Variants in GADL1 observed in about 807,000 individuals in gnomAD.
The protein encoded by GADL1 is acidic amino acid decarboxylase GADL1.
Under a neutral mutation model 69.5 loss-of-function variants are expected in GADL1, and 71 were observed. The observed-to-expected ratio is 1.02, with a 90% CI of 0.84 to 1.25. The LOEUF is 1.25. Ranked by LOEUF, GADL1 falls within the 50% of genes most tolerant of loss-of-function variation. GADL1 has a pLI of 0.00. For synonymous variants in GADL1, 254 were observed against 214.4 expected (o/e 1.18, Z -1.62); for missense variants, 737 against 631.8 (o/e 1.17, Z -1.79).
intron 14 of GADL1, among the ~76,000 whole-genome samples, chr3:30,762,000 C>G (rs940345076): frequency 6.6e-6 from 1 of 152,074 alleles, no homozygotes. Context: ...ACAAAAGAGC[C>G]GAGACAGTGA....
At chr3:30,766,125 T>C (rs896673358) in intron 14 of GADL1, among the ~76,000 whole-genome samples, 3 of 152,166 alleles carry the variant, frequency 2.0e-5, no homozygotes, top group African/African-American at 7.2e-5. Context: ...TACAAAAGAC[T>C]GCATCATTCC....
At chr3:30,854,506 T>C (rs1360997097) in intron 4 of GADL1, among the ~76,000 whole-genome samples, 193 bp downstream of exon 4, 8 of 152,254 alleles carry the variant, frequency 5.3e-5, no homozygotes, top group African/African-American at 1.9e-4. Flanking sequence ...AATGACTGCC[T>C]TTTCCATCTC....
At chr3:30,802,196 C>T (rs1697178385) in intron 11 of GADL1, among the ~76,000 whole-genome samples, 1 of 152,104 alleles carries the variant, frequency 6.6e-6, no homozygotes, top group Admixed American at 6.6e-5. Context: ...CATTTGTTGG[C>T]CTTGGTCCTG....
At chr3:30,823,075 G>A (rs1159544117) in intron 11 of GADL1, among the ~76,000 whole-genome samples, 5 of 151,926 alleles carry the variant, frequency 3.3e-5, no homozygotes, top group Admixed American at 2.6e-4. Flanking sequence ...CAAGAATCCT[G>A]GAACAAAATA....
chr3:30,773,463 AAG>A (rs201639617), intron 14 of GADL1, among the ~76,000 whole-genome samples: 1 of 152,198 alleles, frequency 6.6e-6, no homozygotes, highest in East Asian at 1.9e-4. Context: ...AGAAATATAA[AAG>A]AAATCGCCTG....
In GADL1 at chr3:30,820,070, AAAG is replaced by A. The variant is rs569804697; in HGVS notation, c.1050+13780_1050+13782del. Among the ~76,000 whole-genome samples the A allele has an allele frequency of 8.2e-4, 124 of 152,052 alleles. 2 individuals are homozygous for A. In the South Asian group the frequency reaches 0.025, roughly 30 times the overall value. On this transcript the variant is annotated intron_variant, in intron 11 of 14. Coordinates refer to ENST00000282538, the MANE Select transcript of GADL1 (RefSeq NM_207359.3). ...TACTATCCAACCAAGATAAAAACAC[AAAG>A]AATAGATCTATATTATGTACATGGA...
intron 1 of GADL1, among the ~76,000 whole-genome samples, chr3:30,882,371 T>C (rs1042465839): frequency 1.3e-5 from 2 of 151,904 alleles, no homozygotes; most frequent in African/African-American, 2.4e-5. Flanking sequence ...GAAATCACCA[T>C]CCTGTTTTCT....
chr3:30,835,379 T>A (rs1697857414), intron 9 of GADL1, among the ~76,000 whole-genome samples: 1 of 151,994 alleles, frequency 6.6e-6, no homozygotes, highest in South Asian at 2.1e-4. Flanking sequence ...GACCTTAATA[T>A]CATGTAAAAA....
intron 11 of GADL1, among the ~76,000 whole-genome samples, chr3:30,829,108 C>T (rs1697742876): frequency 6.6e-6 from 1 of 151,880 alleles, no homozygotes; most frequent in Non-Finnish European, 1.5e-5. Context: ...TAGATCAAAG[C>T]ATCAAAACTG....
chr3:30,771,882 G>T (rs1343773110), intron 14 of GADL1, among the ~76,000 whole-genome samples: 1 of 139,832 alleles, frequency 7.2e-6, no homozygotes, highest in Non-Finnish European at 1.5e-5. Context: ...CAGGATTGCT[G>T]TTATTTCTAG....
Position 30,777,865 on chromosome 3 carries a change from GAAAT to G in GADL1, c.1392+310_1392+313del, listed in dbSNP as rs149419126. ...CAGTCAGAGATGCAGTAGCAGAGTTGAAATAAATAGTCATTCATCACACAACTTT... is the reference window on the plus strand; with the variant it reads ...CAGTCAGAGATGCAGTAGCAGAGTTGAAATAGTCATTCATCACACAACTTT... On this transcript the variant is annotated intron_variant, in intron 14 of 14. Transcript: ENST00000282538. Among the ~76,000 whole-genome samples, 5,489 of 152,206 alleles carry G rather than the reference GAAAT, an allele frequency of 0.036. 591 individuals are homozygous for G. In the East Asian group the frequency reaches 0.41, roughly 11 times the overall value.
intron 11 of GADL1, among the ~76,000 whole-genome samples, chr3:30,815,341 A>G (rs1160336645): frequency 1.3e-5 from 2 of 152,196 alleles, no homozygotes; most frequent in South Asian, 2.1e-4. Flanking sequence ...CTGGTCGGTT[A>G]GGAGGAGGGC....
At chr3:30,801,460 CAT>C (rs1697163986) in intron 11 of GADL1, among the ~76,000 whole-genome samples, 1 of 151,936 alleles carries the variant, frequency 6.6e-6, no homozygotes, top group Non-Finnish European at 1.5e-5. Flanking sequence ...GACATATTTA[CAT>C]ATGTTATACA....
intron 6 of GADL1, 44 bp downstream of exon 6, chr3:30,849,951 TG>T: frequency 8.6e-7 from 1 of 1,157,588 alleles, no homozygotes; most frequent in Non-Finnish European, 1.3e-6. Context: ...CTCTTAAATA[TG>T]CTTTCTCAGA....
intron 1 of GADL1, among the ~76,000 whole-genome samples, chr3:30,866,587 T>TG (rs1575240924): frequency 6.6e-6 from 1 of 152,032 alleles, no homozygotes; most frequent in East Asian, 1.9e-4. Flanking sequence ...CTAGACCAAG[T>TG]GGCTGGTGAG....
chr3:30,848,049 T>G (rs1412234507), intron 6 of GADL1, among the ~76,000 whole-genome samples: 1 of 152,178 alleles, frequency 6.6e-6, no homozygotes, highest in Non-Finnish European at 1.5e-5. Flanking sequence ...TTCCCAAGCT[T>G]GGAAATAGCA....
At chr3:30,833,457 A>G (rs1238378223) in intron 11 of GADL1, among the ~76,000 whole-genome samples, 1 of 152,094 alleles carries the variant, frequency 6.6e-6, no homozygotes, top group Non-Finnish European at 1.5e-5. Flanking sequence ...TAAGTATTCA[A>G]TTTAATGTAT....
At position 30,790,756 on chromosome 3, in the gene GADL1, T is replaced by A. The variant is rs12634630; in HGVS notation, c.1251-4350A>T. Among the ~76,000 whole-genome samples the A allele has an allele frequency of 0.027, 4,132 of 152,148 alleles. 315 individuals carry two copies. In the East Asian group the frequency reaches 0.32, roughly 12 times the overall value. ...AACAGCATATATGTGCACATATATT[T>A]ATATGTACTATCTAAATGTCTGTAC... On this transcript the variant is annotated intron_variant, in intron 12 of 14. Coordinates refer to ENST00000282538, the MANE Select transcript of GADL1 (RefSeq NM_207359.3).
chr3:30,801,205 CTT>C (rs1001350241), intron 11 of GADL1, 117 bp from the exon 12 acceptor site: 8 of 705,414 alleles, frequency 1.1e-5, no homozygotes, highest in African/African-American at 1.8e-5. Flanking sequence ...GTACATCTCA[CTT>C]TGACTGCCTT....
Sources: allele counts gnomAD v4.1 joint callset (sites outside exome capture counted in the v4.1 genomes callset), GRCh38; gene constraint gnomAD v4.1.1; transcripts MANE v1.5; gene names NCBI Gene and HGNC (gene_info 2026-07-23, HGNC 2026-07-21).